PCDHA8: variants seen among roughly 807,000 people sequenced by gnomAD.
PCDHA8 encodes the protein protocadherin alpha-8.
PCDHA8 carries 53 observed loss-of-function variants against 61.8 expected under a neutral mutation model. The observed-to-expected ratio is 0.86, with a 90% CI of 0.69 to 1.08. The LOEUF (loss-of-function observed/expected upper bound fraction) is 1.08, where lower values mean the gene tolerates loss of function less well. PCDHA8 is among the 50% of genes least tolerant of loss of function. PCDHA8 has a pLI of 0.00. For synonymous variants in PCDHA8, 618 were observed against 556.6 expected, an observed-to-expected ratio of 1.11 and a Z score of -1.55; for missense variants, 1,293 against 1,245.0, an observed-to-expected ratio of 1.04 and a Z score of -0.58.
intron 1 of PCDHA8, among the ~76,000 whole-genome samples, chr5:140,911,931 T>C (rs1057514341): frequency 1.8e-4 from 28 of 152,134 alleles, no homozygotes; most frequent in African/African-American, 6.8e-4. Context: ...ACTAATAGGA[T>C]AGATGTATAT....
At chr5:140,882,210 C>G in intron 1 of PCDHA8, 3 of 1,533,604 alleles carry the variant, frequency 2.0e-6, no homozygotes, top group Admixed American at 2.1e-5. Flanking sequence ...CCTTGAGAGA[C>G]AGTTTGAGGT....
intron 1 of PCDHA8, chr5:140,871,468 G>C (rs781821721): frequency 6.2e-7 from 1 of 1,602,172 alleles, no homozygotes; most frequent in East Asian, 2.2e-5. Context: ...GGAAAGACAG[G>C]AGCCAGGGTC....
At chr5:140,958,218 A>C (rs1240262632) in intron 1 of PCDHA8, among the ~76,000 whole-genome samples, 2 of 152,120 alleles carry the variant, frequency 1.3e-5, no homozygotes, top group Admixed American at 1.3e-4. Flanking sequence ...TTAGATTTTA[A>C]AGGACTTTCA....
At chr5:140,916,273 G>C (rs962847536) in intron 1 of PCDHA8, among the ~76,000 whole-genome samples, 7 of 152,176 alleles carry the variant, frequency 4.6e-5, no homozygotes, top group African/African-American at 1.7e-4. Flanking sequence ...CATGCTTGTT[G>C]CTCTACTCCA....
chr5:140,878,600 A>G (rs2153362487), intron 1 of PCDHA8, among the ~76,000 whole-genome samples: 1 of 152,320 alleles, frequency 6.6e-6, no homozygotes, highest in East Asian at 1.9e-4. Context: ...TACCAAGTGA[A>G]TCTTCTAATG....
At chr5:140,862,441 T>A (rs1429423701) in intron 1 of PCDHA8, 1 of 358,060 alleles carries the variant, frequency 2.8e-6, no homozygotes, top group Non-Finnish European at 5.5e-6. Context: ...TCGTTGGTAC[T>A]CCACAGCGCC....
rs2150351711 is a variant in PCDHA8 at position 140,843,069 on chromosome 5, G to C, written c.1748G>C (p.Arg583Pro). Residue 583 changes from arginine (R) to proline (P), a missense_variant, in exon 1 of 4, where the codon CGG (arginine) becomes CCG (proline). Arg to Pro is a moderately radical substitution (Grantham distance 103, BLOSUM62 -2). Coordinates refer to ENST00000531613, the MANE Select transcript of PCDHA8 (RefSeq NM_018911.3). ...TGGAASKLVP[R>P]SVGAGHVVAK... ...GGCGCAGCGAGCAAGCTGGTGCCGC[G>C]GTCTGTGGGCGCGGGCCACGTGGTA... The C allele has an allele frequency of 1.6e-5, 26 of 1,595,200 alleles. 3 individuals carry two copies. Among genetic ancestry groups the C allele is most frequent in the Non-Finnish European group, 2.2e-5 (26 of 1,165,304 alleles).
At chr5:140,863,295 C>G in intron 1 of PCDHA8, 1 of 1,463,648 alleles carries the variant, frequency 6.8e-7, no homozygotes, top group South Asian at 1.1e-5. Context: ...TGTACCTGAT[C>G]ATCGCCATCT....
intron 1 of PCDHA8, among the ~76,000 whole-genome samples, chr5:140,936,024 C>T (rs536876826): frequency 1.4e-4 from 22 of 151,890 alleles, no homozygotes; most frequent in African/African-American, 4.6e-4. Flanking sequence ...TCCCGAGTAG[C>T]GGGGATTACA....
rs117279546 is a variant in PCDHA8 at position 140,845,433 on chromosome 5, T to C, written c.2394+1718T>C. On this transcript the variant is annotated intron_variant, in intron 1 of 3. Coordinates refer to ENST00000531613, the MANE Select transcript of PCDHA8 (RefSeq NM_018911.3). ...TGGCAATTTATCATTTAAGTCATTT[T>C]AGTTCTGTTTTTCTTCAACTCTCTG... Among the ~76,000 whole-genome samples the C allele has an allele frequency of 1.1e-4, 16 of 149,790 alleles. No individual in the cohort carries two copies. In the East Asian group the frequency reaches 2.1e-3, roughly 20 times the overall value.
intron 1 of PCDHA8, among the ~76,000 whole-genome samples, chr5:140,907,411 G>T (rs1053744231): frequency 6.6e-6 from 1 of 152,192 alleles, no homozygotes; most frequent in Non-Finnish European, 1.5e-5. Flanking sequence ...GGAATACCAC[G>T]ATGGTGGATA....
At chr5:140,882,732 A>C in intron 1 of PCDHA8, 1 of 1,614,228 alleles carries the variant, frequency 6.2e-7, no homozygotes, top group Non-Finnish European at 8.5e-7. Context: ...TTTCCACTAG[A>C]TGGCGCATCC....
In PCDHA8 at chr5:140,843,440, G is replaced by A; in HGVS notation, c.2119G>A (p.Val707Ile). The change falls in exon 1 of 4, where the codon GTA (valine) becomes ATA (isoleucine). Residue 707 changes from valine to isoleucine, a missense_variant. Transcript: ENST00000531613. ...NVYLIIAICA[V>I]SSLLVLTLLL... ...GTACCTGATCATCGCCATCTGCGCG[G>A]TATCCAGCCTGCTGGTGCTCACGCT... The A allele has an allele frequency of 1.3e-6, 2 of 1,596,090 alleles. No individual in the cohort carries two copies. Among genetic ancestry groups the A allele is most frequent in the African/African-American group, 2.7e-5 (2 of 74,532 alleles).
chr5:140,869,694 GA>G, intron 1 of PCDHA8: 1 of 1,613,394 alleles, frequency 6.2e-7, no homozygotes, highest in Non-Finnish European at 8.5e-7. Context: ...TTATTTTAAA[GA>G]AGTCTCTGGA....
At chr5:140,966,063 C>T (rs2095963895) in intron 1 of PCDHA8, 1 of 153,130 alleles carries the variant, frequency 6.5e-6, no homozygotes, top group African/African-American at 2.4e-5. Flanking sequence ...CAGAGCGCCT[C>T]CCCCTGCGTT....
chr5:140,851,337 C>G, intron 1 of PCDHA8: 5 of 979,030 alleles, frequency 5.1e-6, no homozygotes, highest in Non-Finnish European at 6.2e-6. Flanking sequence ...TAGTTCTCTA[C>G]ATTTCTCTGG....
At chr5:140,982,984 G>A (rs558088522) in intron 3 of PCDHA8, among the ~76,000 whole-genome samples, 11 of 151,694 alleles carry the variant, frequency 7.3e-5, no homozygotes, top group Non-Finnish European at 1.5e-4. Flanking sequence ...GAAAGAAAGA[G>A]AAAAAGAAGG....
chr5:140,841,282 T>A lies in PCDHA8; in HGVS notation c.-40T>A. Reference sequence around the variant, plus strand: ...CTGAAAGTACAGTCGTTCATCTTTATATTAAGATAATATTTTCTGATAGGA... The same window carrying A: ...CTGAAAGTACAGTCGTTCATCTTTAAATTAAGATAATATTTTCTGATAGGA... On this transcript the variant is annotated 5_prime_UTR_variant, in exon 1 of 4. Transcript: ENST00000531613. 1 of 1,545,352 alleles carries A rather than the reference T, an allele frequency of 6.5e-7. No individual in the cohort carries two copies. The highest frequency in any genetic ancestry group is 8.7e-7 in the Non-Finnish European group (1 of 1,146,966).
At chr5:140,880,297 AG>A (rs1554171244) in intron 1 of PCDHA8, among the ~76,000 whole-genome samples, 1 of 152,250 alleles carries the variant, frequency 6.6e-6, no homozygotes, top group Admixed American at 6.5e-5. Context: ...TCATAGTGTG[AG>A]TGAAAGAAAC....
Sources: gnomAD v4.1 joint callset for allele counts (sites outside exome capture counted in the v4.1 genomes callset) on GRCh38, gnomAD v4.1.1 for gene constraint, MANE v1.5 for transcripts, NCBI Gene and HGNC (gene_info 2026-07-23, HGNC 2026-07-21) for gene names.